The following G3BP1 variants were observed in gnomAD, a reference collection of about 807,000 sequenced individuals.
G3BP1 encodes ras GTPase-activating protein-binding protein 1.
G3BP1 carries 35 observed loss-of-function variants against 58.6 expected under a neutral mutation model. The ratio of observed to expected loss-of-function variants is 0.60; its 90% confidence interval spans 0.46 to 0.79. The LOEUF is 0.79. G3BP1 is among the 30% of genes least tolerant of loss of function. G3BP1 has a pLI of 0.00. For missense variants in G3BP1, 523 were observed against 580.8 expected (o/e 0.90, Z 1.02); for synonymous variants, 191 against 195.4 (o/e 0.98, Z 0.19).
intron 4 of G3BP1, chr5:151,791,892 A>G (rs1327315724): frequency 1.5e-5 from 5 of 341,802 alleles, no homozygotes; most frequent in Admixed American, 4.0e-5. Context: ...CCTGACCTCA[A>G]GTGATCTGCC....
chr5:151,797,554 A>G, intron 7 of G3BP1, 126 bp downstream of exon 7: 1 of 1,049,972 alleles, frequency 9.5e-7, no homozygotes. Flanking sequence ...CATTTCAGGG[A>G]AATTTCTTAG....
intron 1 of G3BP1, among the ~76,000 whole-genome samples, chr5:151,781,586 G>C (rs1401293629): frequency 3.3e-5 from 5 of 152,154 alleles, no homozygotes; most frequent in African/African-American, 1.2e-4. Context: ...GCACTCCCAA[G>C]AAACAGAAAA....
At chr5:151,780,235 T>G (rs1348178825) in intron 1 of G3BP1, among the ~76,000 whole-genome samples, 1 of 152,238 alleles carries the variant, frequency 6.6e-6, no homozygotes, top group African/African-American at 2.4e-5. Flanking sequence ...AGTACTTTCC[T>G]GAGAATTGGC....
Position 151,804,180 on chromosome 5 carries a change from C to G in G3BP1, c.*89C>G. 3.2e-6 allele frequency: 3 copies of G among 934,154 alleles called. No individual in the cohort carries two copies. Among genetic ancestry groups the G allele is most frequent in the Non-Finnish European group, 4.9e-6 (3 of 606,252 alleles). 57.9% of individuals were successfully genotyped at this position (934,154 alleles called of 1,614,324 possible). ...AGCCTTTGGTATCTTGGAGTATGAC[C>G]CCAGTCTGTTATAAACTGCTTAAGT... On this transcript the variant is annotated 3_prime_UTR_variant, in exon 12 of 12. Coordinates refer to ENST00000356245, the MANE Select transcript of G3BP1 (RefSeq NM_005754.3).
At chr5:151,786,550 TC>T in intron 1 of G3BP1, 21 bp from the exon 2 acceptor site, 2 of 944,780 alleles carry the variant, frequency 2.1e-6, no homozygotes, top group Admixed American at 1.8e-5. Flanking sequence ...TTCGGTCTTT[TC>T]CCCTGTGTTT....
At chr5:151,799,413 GTGTGGCTCATGCC>G in intron 8 of G3BP1, 100 bp downstream of exon 8, 1 of 710,614 alleles carries the variant, frequency 1.4e-6, no homozygotes, top group Admixed American at 2.1e-5. Flanking sequence ...GTCAGGTGCA[GTGTGGCTCATGCC>G]TGTAATCCCA....
In G3BP1 at chr5:151,809,307, A is replaced by G. The variant is rs78266106; in HGVS notation, c.*5216A>G. ...TGGATGTACACTGATTTGGCCCTTTAAATGACATTATACCAAGAAGTTGGT... is the reference window on the plus strand; with the variant it reads ...TGGATGTACACTGATTTGGCCCTTTGAATGACATTATACCAAGAAGTTGGT... On this transcript the variant is annotated 3_prime_UTR_variant, in exon 12 of 12. Coordinates refer to ENST00000356245, the MANE Select transcript of G3BP1 (RefSeq NM_005754.3). The G allele has an allele frequency of 6.6e-6, 1 of 152,202 alleles. No homozygotes were observed. The highest frequency in any genetic ancestry group is 2.4e-5 in the African/African-American group (1 of 41,456). 9.4% of individuals were successfully genotyped at this position (152,202 alleles called of 1,614,324 possible).
chr5:151,797,302 A>C lies in G3BP1; in HGVS notation c.615A>C (p.Glu205Asp). 1 of 1,613,442 alleles carries C rather than the reference A, an allele frequency of 6.2e-7. No homozygotes were observed. The highest frequency in any genetic ancestry group is 8.5e-7 in the Non-Finnish European group (1 of 1,179,364). Residue 205 changes from glutamate to aspartate, a missense_variant, in exon 7 of 12, where the codon GAA (glutamate) becomes GAC (aspartate). Glu to Asp is a conservative substitution (Grantham distance 45). Coordinates refer to ENST00000356245, the MANE Select transcript of G3BP1 (RefSeq NM_005754.3). Reference sequence around the variant, plus strand: ...ATCCTGAACCAGAACCAGAACAAGAACCTGTATCTGAAATCCAAGAGGAAA... The same window carrying C: ...ATCCTGAACCAGAACCAGAACAAGACCCTGTATCTGAAATCCAAGAGGAAA... Reference protein sequence around the residue: ...EPDPEPEPEQEPVSEIQEEKP... With the variant: ...EPDPEPEPEQDPVSEIQEEKP...
chr5:151,783,783 G>C (rs1447877016), intron 1 of G3BP1, among the ~76,000 whole-genome samples: 1 of 151,640 alleles, frequency 6.6e-6, no homozygotes, highest in Admixed American at 6.6e-5. Flanking sequence ...TTTTTCTGGA[G>C]ATGGAGTCAC....
At chr5:151,778,264 A>G (rs1195651918) in intron 1 of G3BP1, among the ~76,000 whole-genome samples, 2 of 152,116 alleles carry the variant, frequency 1.3e-5, no homozygotes, top group Non-Finnish European at 2.9e-5. Context: ...AACAGTGTGT[A>G]TGGTCAGTCT....
At chr5:151,778,266 GGTCA>G (rs1367925798) in intron 1 of G3BP1, among the ~76,000 whole-genome samples, 2 of 152,062 alleles carry the variant, frequency 1.3e-5, no homozygotes, top group Non-Finnish European at 2.9e-5. Flanking sequence ...CAGTGTGTAT[GGTCA>G]GTCTTTTTAA....
intron 1 of G3BP1, among the ~76,000 whole-genome samples, chr5:151,785,766 A>G (rs1762545711): frequency 6.6e-6 from 1 of 152,176 alleles, no homozygotes; most frequent in Non-Finnish European, 1.5e-5. Context: ...AAATTTTTTA[A>G]TTACATGATA....
Position 151,795,554 on chromosome 5 carries a change from T to C in G3BP1, c.518T>C (p.Phe173Ser). The C allele has an allele frequency of 6.3e-7, 1 of 1,599,026 alleles. No homozygotes were observed. Among genetic ancestry groups the C allele is most frequent in the Non-Finnish European group, 8.6e-7 (1 of 1,166,856 alleles). The change falls in exon 6 of 12, where the codon TTC becomes TCC. Residue 173 changes from phenylalanine to serine, a missense_variant. Physicochemically the swap from Phe to Ser is radical, Grantham distance 155. Around this residue, in one of 2 missense-constraint regions of G3BP1, gnomAD observed 398 missense variants for 399.1 expected, o/e 1.00. Coordinates refer to ENST00000356245, the MANE Select transcript of G3BP1 (RefSeq NM_005754.3). The stretch of plus-strand genomic sequence containing the variant: ...GTGGTACCTGATGATTCTGGAACTT[T>C]CTATGATCAGGCAGTTGTCAGGTAA... ...PEVVPDDSGT[F>S]YDQAVVSNDM... is the part of the protein sequence containing the mutation.
At chr5:151,772,903 G>C (rs557715737) in intron 1 of G3BP1, among the ~76,000 whole-genome samples, 1 of 152,370 alleles carries the variant, frequency 6.6e-6, no homozygotes, top group South Asian at 2.1e-4. Context: ...ACTTGGGCTA[G>C]TTCTGGGCTT....
chr5:151,789,181 G>A (rs1762604120), intron 2 of G3BP1, among the ~76,000 whole-genome samples: 1 of 152,122 alleles, frequency 6.6e-6, no homozygotes, highest in South Asian at 2.1e-4. Flanking sequence ...GGTGGCTTAT[G>A]CCTGTAATTC....
chr5:151,788,234 A>AT (rs1762584371), intron 2 of G3BP1, among the ~76,000 whole-genome samples: 1 of 151,514 alleles, frequency 6.6e-6, no homozygotes, highest in South Asian at 2.1e-4. Context: ...TTTCCAGAAC[A>AT]TTTTTTCTCA....
rs1762950291 is a variant in G3BP1 at position 151,807,258 on chromosome 5, A to T, written c.*3167A>T. 6.6e-6 allele frequency: 1 copy of T among 152,240 alleles called. No individual in the cohort carries two copies. Among genetic ancestry groups the T allele is most frequent in the East Asian group, 1.9e-4 (1 of 5,204 alleles). The allele number at this position is 152,240 out of a possible 1,614,324, so 9.4% of individuals were successfully genotyped here. A position where few individuals can be genotyped will look rare whatever the true frequency, so the allele number is the denominator to read the frequency against. ...GTCCTCAGCACAATAGATGAGGAAG[A>T]AACTGAATCAGAACAGTTAAATGAC... On this transcript the variant is annotated 3_prime_UTR_variant, in exon 12 of 12. Transcript: ENST00000356245.
chr5:151,791,944 A>G (rs758014316), intron 4 of G3BP1: 16 of 373,892 alleles, frequency 4.3e-5, no homozygotes, highest in Non-Finnish European at 7.3e-5. Flanking sequence ...GTGAGCCACC[A>G]TGCCCAGCCT....
At chr5:151,776,045 A>G (rs1762363762) in intron 1 of G3BP1, among the ~76,000 whole-genome samples, 1 of 152,182 alleles carries the variant, frequency 6.6e-6, no homozygotes, top group Non-Finnish European at 1.5e-5. Context: ...TAGTTTTTCT[A>G]CTAATGTCCT....
Sources: gnomAD v4.1 joint callset for allele counts (sites outside exome capture counted in the v4.1 genomes callset) on GRCh38, gnomAD v4.1.1 for gene constraint, gnomAD v4.1.1 regional missense constraint, MANE v1.5 for transcripts, NCBI Gene and HGNC (gene_info 2026-07-23, HGNC 2026-07-21) for gene names.